The following HELB variants were observed in gnomAD, a reference collection of about 807,000 sequenced individuals.
The protein encoded by HELB is DNA 5'-3' helicase B.
A neutral mutation model predicts 101.7 loss-of-function variants in HELB; 96 were observed. The observed-to-expected ratio is 0.94, with a 90% confidence interval of 0.80 to 1.12. The LOEUF is 1.12. Ranked by LOEUF, HELB falls within the 50% of genes most tolerant of loss-of-function variation. The pLI, the probability that HELB is intolerant of heterozygous loss-of-function variation, is 0.00. For missense variants in HELB, 1,210 were observed against 1,291.9 expected (o/e 0.94, Z 0.97); for synonymous variants, 437 against 459.7 (o/e 0.95, Z 0.63).
chr12:66,342,013 C>T (rs1248690908), downstream of HELB: 4 of 152,138 alleles, frequency 2.6e-5, no homozygotes, highest in Non-Finnish European at 5.9e-5. Flanking sequence ...CTGATGATGA[C>T]CAGTGTATCT....
rs1202835175 is a variant in HELB at position 66,324,187 on chromosome 12, T to C, written c.2502T>C (p.Asn834=). The C allele has an allele frequency of 6.2e-7, 1 of 1,611,164 alleles. No homozygotes were observed. The highest frequency in any genetic ancestry group is 1.1e-5 in the South Asian group (1 of 90,998). ...TTGAAAGTAACGTTCGACTGTGCAA[T>C]GGAGAGATATTTTTCATAACAAATG... is the stretch of plus-strand genomic sequence containing the variant. ...RDFESNVRLC[N]GEIFFITNDV... Residue 834 remains asparagine (N), a synonymous_variant, in exon 10 of 13, where the codon AAT becomes AAC. Transcript: ENST00000247815.
chr12:66,314,594 C>T (rs2053580489), intron 5 of HELB, among the ~76,000 whole-genome samples: 1 of 152,042 alleles, frequency 6.6e-6, no homozygotes, highest in Non-Finnish European at 1.5e-5. Flanking sequence ...CAGTTAGATT[C>T]TCTTGGGTAG....
At chr12:66,337,052 A>G (rs1328503837) in intron 12 of HELB, among the ~76,000 whole-genome samples, 2 of 152,122 alleles carry the variant, frequency 1.3e-5, no homozygotes, top group Admixed American at 1.3e-4. Context: ...GATGGGACTT[A>G]ATGATCAGTT....
At chr12:66,339,032 G>A (rs958587810), downstream of HELB, 4 of 152,188 alleles carry the variant, frequency 2.6e-5, no homozygotes, top group African/African-American at 7.2e-5. Context: ...AAAAGAAAAA[G>A]TCAAGATGAA....
intron 3 of HELB, among the ~76,000 whole-genome samples, chr12:66,309,026 T>C (rs118096597): frequency 0.019 from 2,855 of 152,280 alleles, 54 homozygotes; most frequent in Non-Finnish European, 0.028. Flanking sequence ...GAATTGTTGA[T>C]AGACACATAG....
chr12:66,322,565 CA>C (rs58441074), intron 8 of HELB, among the ~76,000 whole-genome samples, 158 bp from the exon 9 acceptor site: 30,714 of 124,842 alleles, frequency 0.25, 3,589 homozygotes, highest in East Asian at 0.35. Flanking sequence ...GACGCTGTCT[CA>C]AAAAAAAAAA....
intron 7 of HELB, among the ~76,000 whole-genome samples, chr12:66,319,938 A>AT (rs2053651966): frequency 6.7e-6 from 1 of 149,584 alleles, no homozygotes; most frequent in Non-Finnish European, 1.5e-5. Flanking sequence ...GCAAATACTT[A>AT]TTGAACTCCT....
rs1208387302 is a variant in HELB, at chr12:66,322,829, G to A, written c.2297+46G>A. ...AAACTTTTAAGGACAGTCCTTCTTC[G>A]ATTTGCTGGTTTTTTTTTTTGCTTT... On this transcript the variant is annotated intron_variant, in intron 9 of 12. Coordinates refer to ENST00000247815, the MANE Select transcript of HELB (RefSeq NM_001370285.1). 6.2e-6 allele frequency: 8 copies of A among 1,293,554 alleles called. No individual in the cohort carries two copies. The South Asian group carries it at 7.8e-5, about 13-fold the overall frequency. The allele number at this position is 1,293,554 out of a possible 1,614,324, so 80.1% of individuals were successfully genotyped here.
At position 66,314,054 on chromosome 12, in the gene HELB, G is replaced by T. The variant is rs143344096; in HGVS notation, c.1749G>T (p.Ser583=). The change falls in exon 5 of 13, where the codon TCG becomes TCT. Residue 583 remains serine (S), a synonymous_variant. Coordinates refer to ENST00000247815, the MANE Select transcript of HELB (RefSeq NM_001370285.1). The stretch of plus-strand genomic sequence containing the variant: ...CAAACAAACCATGGAAATTTTCTTC[G>T]GTTAGAGTTCTGGTTGTGGATGAAG... The part of the protein sequence containing the change: ...MTTNKPWKFS[S]VRVLVVDEGS... The T allele has an allele frequency of 6.2e-7, 1 of 1,613,734 alleles. No homozygotes were observed.
At chr12:66,337,098 A>G (rs1030074126) in intron 12 of HELB, among the ~76,000 whole-genome samples, 2 of 152,200 alleles carry the variant, frequency 1.3e-5, no homozygotes, top group Admixed American at 6.5e-5. Context: ...GATAACTCCA[A>G]GACTTCTGGC....
At position 66,338,084 on chromosome 12, in the gene HELB, C is replaced by T. The variant is rs1168329; in HGVS notation, c.3246C>T (p.Thr1082=). The change falls in exon 13 of 13, where the codon ACC becomes ACT. Residue 1082 remains threonine, a synonymous_variant. Transcript: ENST00000247815. ...NLIPRQLFKP[T]DNQET is the part of the protein sequence containing the mutation. ...TTCCCAGGCAACTTTTCAAGCCCAC[C>T]GATAATCAAGAAACTTAGTTTTATT... is the stretch of plus-strand genomic sequence containing the variant. The T allele has an allele frequency of 3.8e-6, 6 of 1,565,286 alleles. No homozygotes were observed. The highest frequency in any genetic ancestry group is 2.2e-5 in the East Asian group (1 of 44,588).
chr12:66,304,719 GT>G lies in HELB; in HGVS notation c.188-3del, dbSNP rs373595909. 4.5e-3 allele frequency: 6,974 copies of G among 1,554,900 alleles called. 285 individuals carry two copies. In the African/African-American group the frequency reaches 0.087, roughly 19 times the overall value. ...AGTTAACTTTTGTGGGTTTTTGTTT[GT>G]TTTTTTTTAGTTTCTATTTGTGATG... On this transcript the variant is annotated splice_polypyrimidine_tract_variant and intron_variant, in intron 1 of 12. Coordinates refer to ENST00000247815, the MANE Select transcript of HELB (RefSeq NM_001370285.1).
chr12:66,309,431 G>T (rs1054214849), intron 3 of HELB, among the ~76,000 whole-genome samples: 1 of 152,102 alleles, frequency 6.6e-6, no homozygotes, highest in Non-Finnish European at 1.5e-5. Context: ...CATGAGAAGG[G>T]ATAAGGAAAG....
Position 66,304,979 on chromosome 12 carries a change from A to G in HELB, c.436A>G (p.Thr146Ala). The change falls in exon 2 of 13, where the codon ACA (threonine) becomes GCA (alanine). Residue 146 changes from threonine (T) to alanine (A), a missense_variant. Thr to Ala is a moderately conservative substitution (Grantham distance 58). Coordinates refer to ENST00000247815, the MANE Select transcript of HELB (RefSeq NM_001370285.1). ...CAGTGATGATGTTAATAAATTTTTA[A>G]CATGGGTAAAGGAGGTATCAAACTA... ...VSSDDVNKFLTWVKEVSNYKN... is the reference protein window; with the variant it reads ...VSSDDVNKFLAWVKEVSNYKN... 2 of 1,614,094 alleles carry G rather than the reference A, an allele frequency of 1.2e-6. No homozygotes were observed. Among genetic ancestry groups the G allele is most frequent in the Non-Finnish European group, 1.7e-6 (2 of 1,180,004 alleles).
chr12:66,305,643 G>C (rs2053466216), intron 2 of HELB, among the ~76,000 whole-genome samples: 1 of 151,758 alleles, frequency 6.6e-6, no homozygotes, highest in Admixed American at 6.6e-5. Context: ...TACTTGGGAG[G>C]ATGAGGCAGG....
rs1309153688 is a variant in HELB, at chr12:66,310,066, G to A, written c.1138G>A (p.Val380Ile). The A allele has an allele frequency of 3.1e-6, 5 of 1,614,072 alleles. No homozygotes were observed. Among genetic ancestry groups the A allele is most frequent in the African/African-American group, 1.3e-5 (1 of 74,910 alleles). ...LMKKPPWHLCVDVEKVLASIH... is the reference protein window; with the variant it reads ...LMKKPPWHLCIDVEKVLASIH... ...GAAGAAACCTCCTTGGCATTTATGT[G>A]TCGATGTCGAAAAGGTGCTTGCCTC... The change falls in exon 4 of 13, where the codon GTC (valine) becomes ATC (isoleucine). Residue 380 changes from valine (V) to isoleucine (I), a missense_variant. Around this residue, in one of 2 missense-constraint regions of HELB, gnomAD observed 470 missense variants for 563.1 expected, o/e 0.83. Coordinates refer to ENST00000247815, the MANE Select transcript of HELB (RefSeq NM_001370285.1).
At chr12:66,339,218 C>T (rs891293792), downstream of HELB, 1 of 151,946 alleles carries the variant, frequency 6.6e-6, no homozygotes, top group Non-Finnish European at 1.5e-5. Flanking sequence ...AATTCACATA[C>T]ATTTCACCCA....
At chr12:66,331,115 T>G (rs756651478) in intron 11 of HELB, 39 bp from the exon 12 acceptor site, 4 of 1,552,342 alleles carry the variant, frequency 2.6e-6, no homozygotes, top group Non-Finnish European at 3.5e-6. Context: ...TGAACCTATT[T>G]TATAGCATTT....
intron 9 of HELB, among the ~76,000 whole-genome samples, chr12:66,323,761 A>G (rs1225705567): frequency 1.3e-5 from 2 of 152,220 alleles, no homozygotes; most frequent in Admixed American, 6.5e-5. Flanking sequence ...TTTGACTGGG[A>G]AATGTCATTG....
Sources: allele counts gnomAD v4.1 joint callset (sites outside exome capture counted in the v4.1 genomes callset), GRCh38; gene constraint gnomAD v4.1.1; regional missense constraint gnomAD v4.1.1; transcripts MANE v1.5; gene names NCBI Gene and HGNC (gene_info 2026-07-23, HGNC 2026-07-21).